Variants in FBXL2 observed in about 807,000 individuals in gnomAD.
The protein encoded by FBXL2 is F-box/LRR-repeat protein 2.
In FBXL2, 38 loss-of-function variants were observed where a neutral mutation model predicts 69.2. That is an observed-to-expected ratio of 0.55 (90% CI 0.42 to 0.72). The LOEUF is 0.72. Among genes scored for constraint, FBXL2 ranks in the 30% least tolerant of loss-of-function variants. The probability of loss-of-function intolerance (pLI) is 0.00; values close to 1 mark genes in which losing one functional copy is unlikely to be tolerated. For missense variants in FBXL2, 354 were observed against 520.3 expected (o/e 0.68, Z 3.11); for synonymous variants, 192 against 201.3 (o/e 0.95, Z 0.39).
intron 2 of FBXL2, among the ~76,000 whole-genome samples, chr3:33,300,871 G>C (rs1466571901): frequency 1.7e-5 from 2 of 120,962 alleles, no homozygotes; most frequent in South Asian, 5.3e-4. Flanking sequence ...ACAACGCCCA[G>C]CTAATTTTTT....
chr3:33,295,926 T>A (rs2035704607), intron 1 of FBXL2, among the ~76,000 whole-genome samples: 1 of 152,194 alleles, frequency 6.6e-6, no homozygotes, highest in South Asian at 2.1e-4. Flanking sequence ...GGGTTGTCTT[T>A]TATTGAGTTT....
chr3:33,297,656 C>G lies in FBXL2; in HGVS notation c.4-8C>G, dbSNP rs780160227. The G allele has an allele frequency of 6.9e-7, 1 of 1,442,190 alleles. No individual in the cohort carries two copies. The highest frequency in any genetic ancestry group is 9.3e-7 in the Non-Finnish European group (1 of 1,071,536). The allele number at this position is 1,442,190 out of a possible 1,614,324, so 89.3% of individuals were successfully genotyped here. The stretch of plus-strand genomic sequence containing the variant: ...TTTTCACAATTTCCTTTTTTTTTTT[C>G]TTTCCAGGTTTTCTCAAACAATGAT... On this transcript the variant is annotated splice_polypyrimidine_tract_variant and splice_region_variant and intron_variant, in intron 1 of 14. Coordinates refer to ENST00000484457, the MANE Select transcript of FBXL2 (RefSeq NM_012157.5).
intron 12 of FBXL2, chr3:33,396,487 C>T: frequency 1.9e-6 from 1 of 517,506 alleles, no homozygotes; most frequent in South Asian, 2.8e-5. Flanking sequence ...ATGATCCAGA[C>T]TCTAAACCAT....
At chr3:33,376,521 AG>A (rs1262863686) in intron 10 of FBXL2, among the ~76,000 whole-genome samples, 1 of 152,216 alleles carries the variant, frequency 6.6e-6, no homozygotes, top group African/African-American at 2.4e-5. Context: ...TATTGCTGTA[AG>A]GGAGTGTTTA....
At chr3:33,392,848 C>G, downstream of FBXL2, 1 of 434,092 alleles carries the variant, frequency 2.3e-6, no homozygotes, top group Non-Finnish European at 4.0e-6. Flanking sequence ...ATGTGACCCA[C>G]AGGGGCACAT....
intron 2 of FBXL2, among the ~76,000 whole-genome samples, chr3:33,356,616 G>A: frequency 6.6e-6 from 1 of 152,106 alleles, no homozygotes; most frequent in East Asian, 1.9e-4. Context: ...CCAAAGTGCT[G>A]AGATTACAGG....
chr3:33,299,954 A>G (rs1294493203), intron 2 of FBXL2, among the ~76,000 whole-genome samples: 1 of 152,190 alleles, frequency 6.6e-6, no homozygotes, highest in Non-Finnish European at 1.5e-5. Flanking sequence ...AACTGCACGG[A>G]TGCCATCCAC....
At chr3:33,349,417 A>G (rs917238422) in intron 2 of FBXL2, among the ~76,000 whole-genome samples, 2 of 152,132 alleles carry the variant, frequency 1.3e-5, no homozygotes, top group African/African-American at 4.8e-5. Flanking sequence ...ATTGATTTGC[A>G]TATGTTGAAC....
intron 12 of FBXL2, among the ~76,000 whole-genome samples, chr3:33,395,753 A>G (rs1383950878): frequency 2.6e-5 from 3 of 114,562 alleles, no homozygotes; most frequent in Admixed American, 2.1e-4. Flanking sequence ...GAAAATTGAA[A>G]AAAAAAAAAA....
chr3:33,392,228 A>G (rs528784482), downstream of FBXL2: 47 of 213,476 alleles, frequency 2.2e-4, no homozygotes, highest in African/African-American at 9.2e-4. Context: ...CTCTTGGCCA[A>G]TTTTGGTTTG....
chr3:33,280,600 T>C (rs750191503), intron 1 of FBXL2, among the ~76,000 whole-genome samples: 10 of 151,860 alleles, frequency 6.6e-5, no homozygotes, highest in Non-Finnish European at 1.3e-4. Flanking sequence ...TCCTACCTAT[T>C]TGGGCAGCTG....
chr3:33,368,152 G>A (rs1410274074), intron 5 of FBXL2, among the ~76,000 whole-genome samples: 2 of 152,142 alleles, frequency 1.3e-5, no homozygotes, highest in Middle Eastern at 3.2e-3. Flanking sequence ...TGTCCCATGT[G>A]CACTTGAAGA....
In FBXL2 at chr3:33,386,790, A is replaced by ATCTT. The variant is rs1233044011; in HGVS notation, c.*1184_*1187dup. On this transcript the variant is annotated 3_prime_UTR_variant, in exon 15 of 15. Coordinates refer to ENST00000484457, the MANE Select transcript of FBXL2 (RefSeq NM_012157.5). ...TTGCTCCATGCTGTCCATATTTATG[A>ATCTT]TCTTTATTAAGAACCTGTCAATCAG... is the stretch of plus-strand genomic sequence containing the variant. The ATCTT allele has an allele frequency of 2.1e-5, 3 of 140,322 alleles. No homozygotes were observed. The highest frequency in any genetic ancestry group is 8.0e-5 in the African/African-American group (3 of 37,602). 8.7% of individuals were successfully genotyped at this position (140,322 alleles called of 1,614,324 possible).
intron 2 of FBXL2, among the ~76,000 whole-genome samples, chr3:33,332,708 T>C (rs1252002991): frequency 6.6e-6 from 1 of 152,230 alleles, no homozygotes; most frequent in Non-Finnish European, 1.5e-5. Context: ...AGCCTATTGC[T>C]CCTATGCTAC....
intron 2 of FBXL2, among the ~76,000 whole-genome samples, chr3:33,326,778 C>G (rs1374067210): frequency 6.6e-6 from 1 of 152,280 alleles, no homozygotes; most frequent in South Asian, 2.1e-4. Context: ...AGAATTGAGG[C>G]TGTAGTTTCA....
At chr3:33,309,241 A>G (rs1210602765) in intron 2 of FBXL2, among the ~76,000 whole-genome samples, 1 of 152,180 alleles carries the variant, frequency 6.6e-6, no homozygotes, top group African/African-American at 2.4e-5. Flanking sequence ...ATTGCAGTCT[A>G]TGGCTCCCTT....
At chr3:33,303,878 C>T (rs2036496786) in intron 2 of FBXL2, among the ~76,000 whole-genome samples, 1 of 151,640 alleles carries the variant, frequency 6.6e-6, no homozygotes, top group Non-Finnish European at 1.5e-5. Flanking sequence ...TAAACAGATG[C>T]TCAACAAGGC....
chr3:33,371,711 A>G (rs1397816916), intron 5 of FBXL2, among the ~76,000 whole-genome samples: 2 of 152,082 alleles, frequency 1.3e-5, no homozygotes, highest in Non-Finnish European at 2.9e-5. Flanking sequence ...TCAATGCCAG[A>G]CATTTTGAAT....
At chr3:33,389,271 G>C (rs1219272451), downstream of FBXL2, 3 of 152,588 alleles carry the variant, frequency 2.0e-5, no homozygotes, top group African/African-American at 7.2e-5. Flanking sequence ...ATATTTGAGA[G>C]GCTTAAGGGA....
Sources: allele counts gnomAD v4.1 joint callset (sites outside exome capture counted in the v4.1 genomes callset), GRCh38; gene constraint gnomAD v4.1.1; transcripts MANE v1.5; gene names NCBI Gene and HGNC (gene_info 2026-07-23, HGNC 2026-07-21).